SHB: variants seen among roughly 807,000 people sequenced by gnomAD.
SHB encodes the protein SH2 domain-containing adapter protein B.
A neutral mutation model predicts 52.3 loss-of-function variants in SHB; 20 were observed. That is an observed-to-expected ratio of 0.38 (90% CI 0.27 to 0.56). The LOEUF (loss-of-function observed/expected upper bound fraction) is 0.56, where lower values mean the gene tolerates loss of function less well. SHB is among the 20% of genes least tolerant of loss of function. The pLI is 0.71. For missense variants in SHB, 825 were observed against 723.3 expected (o/e 1.14, Z -1.61); for synonymous variants, 397 against 316.5 (o/e 1.25, Z -2.70).
At chr9:38,067,711 G>C (rs139593448) in intron 1 of SHB, among the ~76,000 whole-genome samples, 198 of 152,300 alleles carry the variant, frequency 1.3e-3, no homozygotes, top group Non-Finnish European at 2.4e-3. Flanking sequence ...CAGAGGGGAC[G>C]TTCTGGAAGC....
chr9:38,014,196 GTTAGGT>G (rs938422431), intron 2 of SHB, among the ~76,000 whole-genome samples: 3 of 151,942 alleles, frequency 2.0e-5, no homozygotes, highest in Admixed American at 2.0e-4. Context: ...AAATGAGGCT[GTTAGGT>G]TTAGATGACC....
intron 2 of SHB, among the ~76,000 whole-genome samples, chr9:37,980,467 G>A (rs561118539): frequency 6.6e-6 from 1 of 152,186 alleles, no homozygotes; most frequent in African/African-American, 2.4e-5. Flanking sequence ...TCTAATGCTA[G>A]TTCTCTTGTT....
intron 1 of SHB, among the ~76,000 whole-genome samples, chr9:38,022,999 C>A (rs1295820949): frequency 6.6e-6 from 1 of 152,212 alleles, no homozygotes; most frequent in Admixed American, 6.5e-5. Flanking sequence ...AGCCCAGACT[C>A]AACTTGGACG....
Position 37,969,880 on chromosome 9 carries a change from C to A in SHB, c.1054+4742G>T, listed in dbSNP as rs182494165. The stretch of plus-strand genomic sequence containing the variant: ...CACATAGGCCTCGTGTGGGCCCAAG[C>A]TGCACCTGGCGGGGGTGGGTTGGGG... On this transcript the variant is annotated intron_variant, in intron 3 of 5. Coordinates refer to ENST00000377707, the MANE Select transcript of SHB (RefSeq NM_003028.3). Among the ~76,000 whole-genome samples the A allele has an allele frequency of 5.6e-4, 86 of 152,356 alleles. 1 individual carries two copies. The highest frequency in any genetic ancestry group is 1.9e-3 in the African/African-American group (81 of 41,588).
intron 1 of SHB, among the ~76,000 whole-genome samples, chr9:38,042,176 CT>C (rs1406992343): frequency 2.0e-5 from 3 of 152,164 alleles, no homozygotes; most frequent in East Asian, 3.9e-4. Flanking sequence ...CTCTGTGCCC[CT>C]GTCTCCTCAT....
intron 2 of SHB, among the ~76,000 whole-genome samples, chr9:38,001,622 T>C (rs1821015069): frequency 6.6e-6 from 1 of 152,228 alleles, no homozygotes; most frequent in African/African-American, 2.4e-5. Context: ...TTAGGTCTTC[T>C]GCGGTCCTGC....
intron 5 of SHB, among the ~76,000 whole-genome samples, chr9:37,921,350 T>C (rs1040684617): frequency 1.2e-4 from 18 of 152,206 alleles, no homozygotes; most frequent in African/African-American, 4.3e-4. Context: ...TCTCAGGGCT[T>C]GAACACATCT....
At chr9:37,933,460 C>A (rs1421479948) in intron 5 of SHB, among the ~76,000 whole-genome samples, 1 of 152,166 alleles carries the variant, frequency 6.6e-6, no homozygotes, top group Non-Finnish European at 1.5e-5. Flanking sequence ...ATTACAGACA[C>A]CATGGAGCCC....
At chr9:37,959,626 C>T (rs1163648459) in intron 3 of SHB, among the ~76,000 whole-genome samples, 4 of 152,162 alleles carry the variant, frequency 2.6e-5, no homozygotes, top group Non-Finnish European at 5.9e-5. Flanking sequence ...AGCAGAGAGG[C>T]ATGGAGCACA....
intron 5 of SHB, among the ~76,000 whole-genome samples, chr9:37,946,407 G>A (rs1164538022): frequency 6.6e-6 from 1 of 152,216 alleles, no homozygotes. Context: ...ATGCACAGGG[G>A]ACTGAGAAAT....
rs888707737 is a variant in SHB at position 37,955,160 on chromosome 9, G to A, written c.1226+723C>T. ...ACATAGTTTTACACTTAGGGGAAAG[G>A]ATTTAGTTTATATTTAGTTTTTCCA... On this transcript the variant is annotated intron_variant, in intron 4 of 5. Transcript: ENST00000377707. Among the ~76,000 whole-genome samples the A allele has an allele frequency of 2.0e-5, 3 of 152,198 alleles. No individual in the cohort carries two copies. The East Asian group carries it at 5.8e-4, about 29-fold the overall frequency.
intron 2 of SHB, among the ~76,000 whole-genome samples, chr9:37,976,170 G>C (rs1325391940): frequency 1.3e-5 from 2 of 152,082 alleles, no homozygotes; most frequent in Non-Finnish European, 2.9e-5. Flanking sequence ...CAAATAGCTA[G>C]GAGCACAAAT....
Position 38,068,031 on chromosome 9 carries a change from C to G in SHB, c.615G>C (p.Ala205=). 1 of 1,507,500 alleles carries G rather than the reference C, an allele frequency of 6.6e-7. No individual in the cohort carries two copies. Among genetic ancestry groups the G allele is most frequent in the Non-Finnish European group, 8.8e-7 (1 of 1,136,078 alleles). The allele number at this position is 1,507,500 out of a possible 1,614,324, so 93.4% of individuals were successfully genotyped here. The change falls in exon 1 of 6, where the codon GCG becomes GCC. Residue 205 remains alanine, a synonymous_variant. Transcript: ENST00000377707. ...GAGDPLGGAC[A]GGRTWSPTAC... ...CCGTCGGGCTCCAGGTGCGGCCGCC[C>G]GCGCAGGCGCCCCCCAGGGGGTCCC...
At chr9:38,048,563 G>A (rs111229003) in intron 1 of SHB, among the ~76,000 whole-genome samples, 2,173 of 152,256 alleles carry the variant, frequency 0.014, 26 homozygotes, top group South Asian at 0.03. Flanking sequence ...CAGCCCTTGA[G>A]GTGGAGGTTG....
At chr9:38,003,587 A>C (rs936938574) in intron 2 of SHB, among the ~76,000 whole-genome samples, 5 of 152,124 alleles carry the variant, frequency 3.3e-5, no homozygotes, top group Non-Finnish European at 7.3e-5. Flanking sequence ...CAGTGCCCAG[A>C]ACAGCAGGGC....
intron 5 of SHB, among the ~76,000 whole-genome samples, chr9:37,931,279 G>A (rs1832308279): frequency 6.6e-6 from 1 of 152,110 alleles, no homozygotes. Flanking sequence ...CACAGTAAAG[G>A]AGACAATAAG....
intron 3 of SHB, among the ~76,000 whole-genome samples, chr9:37,962,134 C>T (rs1054984499): frequency 6.6e-6 from 1 of 152,210 alleles, no homozygotes; most frequent in East Asian, 1.9e-4. Flanking sequence ...AATACCTGTA[C>T]CGTGAAGGTA....
chr9:37,945,613 T>C (rs1832482689), intron 5 of SHB, among the ~76,000 whole-genome samples: 1 of 152,194 alleles, frequency 6.6e-6, no homozygotes, highest in Non-Finnish European at 1.5e-5. Context: ...AGACCTCACC[T>C]CCAGCTCCTT....
chr9:38,059,409 T>C (rs1032447738), intron 1 of SHB, among the ~76,000 whole-genome samples: 1 of 152,208 alleles, frequency 6.6e-6, no homozygotes. Context: ...CTTTACAGCA[T>C]AATGGGAAAT....
Sources: allele counts gnomAD v4.1 joint callset (sites outside exome capture counted in the v4.1 genomes callset), GRCh38; gene constraint gnomAD v4.1.1; transcripts MANE v1.5; gene names NCBI Gene and HGNC (gene_info 2026-07-23, HGNC 2026-07-21).